The following KCNQ1 variants were observed in gnomAD, a reference collection of about 807,000 sequenced individuals.
The protein encoded by KCNQ1 is potassium voltage-gated channel subfamily KQT member 1.
In KCNQ1, 49 loss-of-function variants were observed where a neutral mutation model predicts 72.4. The ratio of observed to expected loss-of-function variants is 0.68; its 90% CI spans 0.54 to 0.86. The LOEUF is 0.86. Among genes scored for constraint, KCNQ1 ranks in the 40% least tolerant of loss-of-function variants. The pLI is 0.00. For synonymous variants in KCNQ1, 450 were observed against 412.6 expected (o/e 1.09, Z -1.10); for missense variants, 790 against 945.1 (o/e 0.84, Z 2.15).
chr11:2,774,126 C>T (rs997390375), intron 12 of KCNQ1, among the ~76,000 whole-genome samples: 6 of 151,916 alleles, frequency 3.9e-5, no homozygotes, highest in African/African-American at 1.2e-4. Context: ...TCCCCTTTTA[C>T]GGAAGAGAGA....
intron 6 of KCNQ1, among the ~76,000 whole-genome samples, chr11:2,577,727 G>A (rs547547206): frequency 6.6e-6 from 1 of 152,172 alleles, no homozygotes; most frequent in Admixed American, 6.5e-5. Context: ...CCCCTTTATG[G>A]CTGTTCCTGA....
rs1049922144 is a variant in KCNQ1 at position 2,817,762 on chromosome 11, C to T, written c.1795-30005C>T. Among the ~76,000 whole-genome samples, 2 of 152,128 alleles carry T rather than the reference C, an allele frequency of 1.3e-5. No individual in the cohort carries two copies. The highest frequency in any genetic ancestry group is 2.9e-5 in the Non-Finnish European group (2 of 68,020). On this transcript the variant is annotated intron_variant, in intron 15 of 15. Coordinates refer to ENST00000155840, the MANE Select transcript of KCNQ1 (RefSeq NM_000218.3). This position sits in a 1 kb window ranked among gnomAD's most constrained non-coding sequence, Gnocchi z 6.1. ...CCTCTCCTCCATGGCAAAGGTGATA[C>T]ATTAGACTCAAAGAGACATGATATC...
chr11:2,562,885 C>T lies in KCNQ1; in HGVS notation c.478-7743C>T, dbSNP rs947374970. On this transcript the variant is annotated intron_variant, in intron 2 of 15. Coordinates refer to ENST00000155840, the MANE Select transcript of KCNQ1 (RefSeq NM_000218.3). This position sits in a 1 kb window ranked among gnomAD's most constrained non-coding sequence, Gnocchi z 7.5. Reference sequence around the variant, plus strand: ...TCCGCCGTCTTTAAAATTAATTTTCCTTTAAAGATACTGTAGAGCAGTAAC... The same window carrying T: ...TCCGCCGTCTTTAAAATTAATTTTCTTTTAAAGATACTGTAGAGCAGTAAC... 6.6e-6 allele frequency among the ~76,000 whole-genome samples: 1 copy of T among 152,232 alleles called. No individual in the cohort carries two copies. Among genetic ancestry groups the T allele is most frequent in the African/African-American group, 2.4e-5 (1 of 41,520 alleles).
At chr11:2,666,652 G>A (rs1185185213) in intron 11 of KCNQ1, 1 of 398,674 alleles carries the variant, frequency 2.5e-6, no homozygotes, top group Non-Finnish European at 4.4e-6. Context: ...TGGACCAAGG[G>A]GCTAGCTCTT....
intron 11 of KCNQ1, among the ~76,000 whole-genome samples, chr11:2,731,811 T>A (rs1002225394): frequency 2.0e-5 from 3 of 152,342 alleles, no homozygotes; most frequent in African/African-American, 7.2e-5. Flanking sequence ...TGGAAGACAG[T>A]GGTGGGTAAC....
At chr11:2,796,441 G>A (rs1410226546) in intron 15 of KCNQ1, among the ~76,000 whole-genome samples, 1 of 152,230 alleles carries the variant, frequency 6.6e-6, no homozygotes, top group Non-Finnish European at 1.5e-5. Flanking sequence ...GATCTTCCCA[G>A]CACCCTTCCA....
intron 15 of KCNQ1, among the ~76,000 whole-genome samples, chr11:2,834,942 C>A (rs546635266): frequency 6.6e-6 from 1 of 152,222 alleles, no homozygotes. Context: ...GCCGCCCAGC[C>A]CCTATCTGGG....
intron 15 of KCNQ1, among the ~76,000 whole-genome samples, chr11:2,839,489 C>G (rs1022134350): frequency 6.6e-6 from 1 of 152,204 alleles, no homozygotes; most frequent in Non-Finnish European, 1.5e-5. Context: ...TCCAGGAGCA[C>G]GGGGCCATGT....
chr11:2,573,015 C>T, intron 6 of KCNQ1, 29 bp downstream of exon 6: 2 of 1,608,894 alleles, frequency 1.2e-6, no homozygotes, highest in Non-Finnish European at 1.7e-6. Flanking sequence ...GGCATGGGGA[C>T]AGGGGCAGCT....
intron 1 of KCNQ1, among the ~76,000 whole-genome samples, chr11:2,472,096 G>C (rs1589899247): frequency 1.3e-5 from 2 of 151,400 alleles, no homozygotes; most frequent in Admixed American, 1.3e-4. Flanking sequence ...ATATGGGTGT[G>C]TGTGCACCTA....
intron 11 of KCNQ1, chr11:2,696,795 T>A (rs1048776494): frequency 1.5e-5 from 6 of 398,510 alleles, no homozygotes; most frequent in African/African-American, 8.2e-5. Flanking sequence ...TAGACTGGTA[T>A]AAATTTTGCT....
At chr11:2,631,270 A>G (rs1278486716) in intron 10 of KCNQ1, 1 of 398,272 alleles carries the variant, frequency 2.5e-6, no homozygotes, top group Non-Finnish European at 4.4e-6. Flanking sequence ...TTCCCTTGTT[A>G]CCTTTTCATT....
chr11:2,765,574 G>T (rs770631362), intron 11 of KCNQ1, among the ~76,000 whole-genome samples: 5 of 152,194 alleles, frequency 3.3e-5, no homozygotes, highest in African/African-American at 1.2e-4. Context: ...AGTTACTGAC[G>T]AGGTGTGTTC....
chr11:2,697,541 C>T (rs774579103), intron 11 of KCNQ1: 5 of 398,496 alleles, frequency 1.3e-5, no homozygotes, highest in African/African-American at 2.1e-5. Flanking sequence ...CTAGTCCTGG[C>T]TTGCTAAGTG....
Position 2,463,700 on chromosome 11 carries a change from G to C in KCNQ1, c.386+18216G>C, listed in dbSNP as rs2133585638. On this transcript the variant is annotated intron_variant, in intron 1 of 15. Transcript: ENST00000155840. The surrounding 1 kb of genome is among the most constrained non-coding windows in gnomAD (Gnocchi z 7.0). ...CAGGGGCTCGGGGAGGTCTGTGGGT[G>C]CCCAGGCCGAGATGTGAACCCTGAG... 6.6e-6 allele frequency among the ~76,000 whole-genome samples: 1 copy of C among 152,318 alleles called. No homozygotes were observed. Among genetic ancestry groups the C allele is most frequent in the South Asian group, 2.1e-4 (1 of 4,828 alleles).
At chr11:2,557,580 G>C (rs1191984090) in intron 2 of KCNQ1, among the ~76,000 whole-genome samples, 3 of 152,208 alleles carry the variant, frequency 2.0e-5, no homozygotes, top group Admixed American at 6.5e-5. Context: ...GGGCTCAGTG[G>C]GACGGCTCAT....
rs184931254 is a variant in KCNQ1 at position 2,570,293 on chromosome 11, C to A, written c.478-335C>A. Reference sequence around the variant, plus strand: ...AAGCTGGGGTTCCTGGCGTCGGACGCCCTCTGGCCCAAGCTGGGGTTCCTG... The same window carrying A: ...AAGCTGGGGTTCCTGGCGTCGGACGACCTCTGGCCCAAGCTGGGGTTCCTG... On this transcript the variant is annotated intron_variant, in intron 2 of 15. Transcript: ENST00000155840. Among the ~76,000 whole-genome samples the A allele has an allele frequency of 1.5e-3, 224 of 151,482 alleles. 4 individuals carry two copies. The East Asian group carries it at 0.034, about 23-fold the overall frequency.
In KCNQ1 at chr11:2,600,234, G is replaced by A. The variant is rs529991148; in HGVS notation, c.1393+11380G>A. Among the ~76,000 whole-genome samples the A allele has an allele frequency of 1.6e-4, 25 of 152,282 alleles. No individual in the cohort carries two copies. The highest frequency in any genetic ancestry group is 5.8e-4 in the African/African-American group (24 of 41,550). ...ACCACCAAAAACATCTCCACATGTTGCTACATGTCCCCTGGAGGGCAAAAT... is the reference window on the plus strand; with the variant it reads ...ACCACCAAAAACATCTCCACATGTTACTACATGTCCCCTGGAGGGCAAAAT... On this transcript the variant is annotated intron_variant, in intron 10 of 15. Transcript: ENST00000155840. The surrounding 1 kb of genome is among the most constrained non-coding windows in gnomAD (Gnocchi z 5.6).
chr11:2,520,815 A>C (rs1847369994), intron 1 of KCNQ1, among the ~76,000 whole-genome samples: 2 of 151,958 alleles, frequency 1.3e-5, no homozygotes, highest in South Asian at 4.1e-4. Flanking sequence ...AGCCCCTAGA[A>C]GTGGTTTGGG....
Sources: allele counts gnomAD v4.1 joint callset (sites outside exome capture counted in the v4.1 genomes callset), GRCh38; gene constraint gnomAD v4.1.1; non-coding constraint Gnocchi (gnomAD v3.1); transcripts MANE v1.5; gene names NCBI Gene and HGNC (gene_info 2026-07-23, HGNC 2026-07-21).